The following CCN5 variants were observed in gnomAD, a reference collection of about 807,000 sequenced individuals.
CCN5 encodes cellular communication network factor 5, also known as CCN family member 5.
A neutral mutation model predicts 18.7 loss-of-function variants in CCN5; 17 were observed. The observed-to-expected ratio is 0.91, with a 90% CI of 0.62 to 1.36. The LOEUF is 1.36. CCN5 is among the 40% of genes most tolerant of loss of function. CCN5 has a pLI of 0.00. For synonymous variants in CCN5, 135 were observed against 145.2 expected, an observed-to-expected ratio of 0.93 and a Z score of 0.50; for missense variants, 367 against 342.9, an observed-to-expected ratio of 1.07 and a Z score of -0.56.
upstream of CCN5, chr20:44,715,142 C>A: frequency 1.9e-6 from 1 of 522,580 alleles, no homozygotes; most frequent in Non-Finnish European, 3.5e-6. Flanking sequence ...CCTTGGTGGC[C>A]TTCACAGTTT....
Position 44,726,172 on chromosome 20 carries a change from C to T in CCN5, c.533-915C>T, listed in dbSNP as rs1349716717. Among the ~76,000 whole-genome samples the T allele has an allele frequency of 2.0e-5, 3 of 152,104 alleles. No homozygotes were observed. The East Asian group carries it at 5.8e-4, about 29-fold the overall frequency. ...GTTAAGCAGCTGTAGCAGTGCCTGG[C>T]ACATGGTACTATATCAGAGGTAGCC... On this transcript the variant is annotated intron_variant, in intron 3 of 3. Transcript: ENST00000190983.
chr20:44,715,130 C>G, upstream of CCN5: 1 of 499,050 alleles, frequency 2.0e-6, no homozygotes, highest in Non-Finnish European at 3.7e-6. Context: ...GGACAGGCAC[C>G]CCCTTGGTGG....
chr20:44,722,769 C>T (rs917619318), intron 2 of CCN5, among the ~76,000 whole-genome samples: 10 of 152,060 alleles, frequency 6.6e-5, no homozygotes, highest in East Asian at 1.9e-4. Context: ...CCACCACAGC[C>T]GGTCTAGACA....
intron 1 of CCN5, among the ~76,000 whole-genome samples, chr20:44,716,216 G>A (rs2065858926): frequency 1.3e-5 from 2 of 152,192 alleles, no homozygotes; most frequent in Admixed American, 1.3e-4. Context: ...GAATGACATG[G>A]ATGTAGGGGG....
Position 44,719,914 on chromosome 20 carries a change from C to T in CCN5, c.78C>T (p.Cys26=). Residue 26 remains cysteine (C), a synonymous_variant, in exon 2 of 4, where the codon TGC becomes TGT. Coordinates refer to ENST00000190983, the MANE Select transcript of CCN5 (RefSeq NM_003881.4). ...CTCTTCAGGTGCGTACCCAGCTGTG[C>T]CCGACACCATGTACCTGCCCCTGGC... ...CLLSKVRTQL[C]PTPCTCPWPP... is the part of the protein sequence containing the mutation. 6.2e-7 allele frequency: 1 copy of T among 1,613,466 alleles called. No homozygotes were observed. The highest frequency in any genetic ancestry group is 1.1e-5 in the South Asian group (1 of 91,004).
rs11341536 is a variant in CCN5 at position 44,722,465 on chromosome 20, CTT to C, written c.278-2254_278-2253del. Among the ~76,000 whole-genome samples the C allele has an allele frequency of 2.6e-3, 275 of 106,698 alleles. 1 individual carries two copies. Among genetic ancestry groups the C allele is most frequent in the Middle Eastern group, 0.01 (2 of 200 alleles). 70.0% of individuals were successfully genotyped at this position (106,698 alleles called of 152,430 possible). On this transcript the variant is annotated intron_variant, in intron 2 of 3. Coordinates refer to ENST00000190983, the MANE Select transcript of CCN5 (RefSeq NM_003881.4). ...TCTAGAGGTCTCTCTATCTCTCTCT[CTT>C]TTTTTTTTTTTTTTTTTTGAGATGG...
chr20:44,727,412 C>T lies in CCN5; in HGVS notation c.*105C>T, dbSNP rs761348562. 1.4e-6 allele frequency: 2 copies of T among 1,450,758 alleles called. No individual in the cohort carries two copies. Among genetic ancestry groups the T allele is most frequent in the Non-Finnish European group, 1.8e-6 (2 of 1,096,944 alleles). 89.9% of individuals were successfully genotyped at this position (1,450,758 alleles called of 1,614,324 possible). On this transcript the variant is annotated 3_prime_UTR_variant, in exon 4 of 4. Coordinates refer to ENST00000190983, the MANE Select transcript of CCN5 (RefSeq NM_003881.4). The stretch of plus-strand genomic sequence containing the variant: ...TGGTCCGTGCCCAGGCCCTTGGCTG[C>T]AGGCAACACTTTAGCTTGGGTCCAC...
chr20:44,722,395 C>T (rs1482736459), intron 2 of CCN5, among the ~76,000 whole-genome samples: 1 of 152,076 alleles, frequency 6.6e-6, no homozygotes, highest in Non-Finnish European at 1.5e-5. Flanking sequence ...CTGTTGAGAG[C>T]ACCTCCATCC....
At chr20:44,720,464 T>C (rs770108276) in intron 2 of CCN5, 5 of 362,038 alleles carry the variant, frequency 1.4e-5, no homozygotes, top group Non-Finnish European at 2.5e-5. Context: ...TTACAACACT[T>C]TGGGGAAAAT....
At position 44,727,109 on chromosome 20, in the gene CCN5, C is replaced by A. The variant is rs764750757; in HGVS notation, c.555C>A (p.Val185=). 5 of 1,598,238 alleles carry A rather than the reference C, an allele frequency of 3.1e-6. No individual in the cohort carries two copies. The South Asian group carries it at 5.6e-5, about 18-fold the overall frequency. ...PAQGPQFSGL[V]SSLPPGVPCP... is the part of the protein sequence containing the mutation. ...TAGGACCCCAGTTTTCTGGCCTTGT[C>A]TCTTCCCTGCCCCCTGGTGTCCCCT... The change falls in exon 4 of 4, where the codon GTC becomes GTA. Residue 185 remains valine (V), a synonymous_variant. Transcript: ENST00000190983.
chr20:44,719,852 C>T (rs2065884817), intron 1 of CCN5, 45 bp from the exon 2 acceptor site: 2 of 1,579,230 alleles, frequency 1.3e-6, no homozygotes, highest in African/African-American at 1.4e-5. Flanking sequence ...GGTCTCACTG[C>T]CCACCTCGAA....
chr20:44,727,038 C>G (rs1322458305), intron 3 of CCN5, 49 bp from the exon 4 acceptor site: 5 of 1,476,074 alleles, frequency 3.4e-6, no homozygotes, highest in Non-Finnish European at 4.5e-6. Flanking sequence ...GTTGATTGAG[C>G]TGCTGAGCCC....
In CCN5 at chr20:44,720,127, C is replaced by A; in HGVS notation, c.277+14C>A. 1 of 1,540,752 alleles carries A rather than the reference C, an allele frequency of 6.5e-7. No homozygotes were observed. Among genetic ancestry groups the A allele is most frequent in the South Asian group, 1.2e-5 (1 of 84,550 alleles). ...CCCTGTGCCTCTGTAAGCAGGTTTG[C>A]AGGACTGAGTGGGGGCGGGTGTGAG... On this transcript the variant is annotated intron_variant, in intron 2 of 3. Transcript: ENST00000190983.
Position 44,717,989 on chromosome 20 carries a change from T to C in CCN5, c.61-1908T>C, listed in dbSNP as rs562103069. On this transcript the variant is annotated intron_variant, in intron 1 of 3. Transcript: ENST00000190983. Reference sequence around the variant, plus strand: ...AGAGGGGCTCCAGATGCTGCCTCTCTGACAAGCTCCTAGATGACGCTGCTG... The same window carrying C: ...AGAGGGGCTCCAGATGCTGCCTCTCCGACAAGCTCCTAGATGACGCTGCTG... 8.9e-4 allele frequency among the ~76,000 whole-genome samples: 135 copies of C among 152,344 alleles called. 3 individuals are homozygous for C. The South Asian group carries it at 0.027, about 31-fold the overall frequency.
At chr20:44,719,859 C>A in intron 1 of CCN5, 38 bp from the exon 2 acceptor site, 1 of 1,592,402 alleles carries the variant, frequency 6.3e-7, no homozygotes. Context: ...CTGCCCACCT[C>A]GAAAGCCCGT....
At chr20:44,715,675 C>T (rs909909501) in intron 1 of CCN5, among the ~76,000 whole-genome samples, 1 of 152,192 alleles carries the variant, frequency 6.6e-6, no homozygotes, top group African/African-American at 2.4e-5. Context: ...CTTCTCTGGG[C>T]CTCAGCATCT....
Position 44,715,399 on chromosome 20 carries a change from C to T in CCN5, c.9C>T (p.Gly3=). Residue 3 remains glycine (G), a synonymous_variant, in exon 1 of 4, where the codon GGC becomes GGT. Coordinates refer to ENST00000190983, the MANE Select transcript of CCN5 (RefSeq NM_003881.4). ...CTGGCTCTGCAGGGGACATGAGAGGCACACCGAAGACCCACCTCCTGGCCT... is the reference window on the plus strand; with the variant it reads ...CTGGCTCTGCAGGGGACATGAGAGGTACACCGAAGACCCACCTCCTGGCCT... MR[G]TPKTHLLAFS... 6.2e-7 allele frequency: 1 copy of T among 1,602,850 alleles called. No individual in the cohort carries two copies. Among genetic ancestry groups the T allele is most frequent in the Non-Finnish European group, 8.5e-7 (1 of 1,175,146 alleles).
Position 44,727,118 on chromosome 20 carries a change from GC to G in CCN5, c.569del (p.Pro190LeufsTer112). 2 of 1,604,346 alleles carry G rather than the reference GC, an allele frequency of 1.2e-6. No homozygotes were observed. The highest frequency in any genetic ancestry group is 1.1e-5 in the South Asian group (1 of 89,848). ...PQFSGLVSSL[P>X]PGVPCPEWST... The stretch of plus-strand genomic sequence containing the variant: ...AGTTTTCTGGCCTTGTCTCTTCCCT[GC>G]CCCCTGGTGTCCCCTGCCCAGAATG... On this transcript the variant is annotated frameshift_variant, in exon 4 of 4. Coordinates refer to ENST00000190983, the MANE Select transcript of CCN5 (RefSeq NM_003881.4). LOFTEE classifies it low-confidence loss of function (END_TRUNC).
chr20:44,715,820 C>A (rs1236823742), intron 1 of CCN5, among the ~76,000 whole-genome samples: 1 of 152,210 alleles, frequency 6.6e-6, no homozygotes, highest in Non-Finnish European at 1.5e-5. Flanking sequence ...ACATGACATG[C>A]TTGGCCTAAC....
Sources: gnomAD v4.1 joint callset for allele counts (sites outside exome capture counted in the v4.1 genomes callset) on GRCh38, gnomAD v4.1.1 for gene constraint, MANE v1.5 for transcripts, NCBI Gene and HGNC (gene_info 2026-07-23, HGNC 2026-07-21) for gene names.